Variants in PHACTR1 observed in about 807,000 individuals in gnomAD.
PHACTR1 encodes the protein RPEL repeat containing 1.
A neutral mutation model predicts 69.2 loss-of-function variants in PHACTR1; 16 were observed. The observed-to-expected ratio is 0.23, with a 90% CI of 0.16 to 0.35. The LOEUF (loss-of-function observed/expected upper bound fraction) is 0.35, where lower values mean the gene tolerates loss of function less well. Ranked by LOEUF, PHACTR1 falls within the 10% of genes least tolerant of loss-of-function variation. The probability of loss-of-function intolerance (pLI) is 1.00; values close to 1 mark genes in which losing one functional copy is unlikely to be tolerated. For synonymous variants in PHACTR1, 312 were observed against 284.5 expected, an observed-to-expected ratio of 1.10 and a Z score of -0.97; for missense variants, 510 against 734.7, an observed-to-expected ratio of 0.69 and a Z score of 3.54.
chr6:12,891,740 A>T (rs1030227441), intron 4 of PHACTR1, among the ~76,000 whole-genome samples: 5 of 151,536 alleles, frequency 3.3e-5, no homozygotes, highest in African/African-American at 1.2e-4. Flanking sequence ...TATGAACAGC[A>T]AACCAGAATA....
chr6:13,145,598 A>G (rs1823213330), intron 5 of PHACTR1, among the ~76,000 whole-genome samples: 3 of 152,192 alleles, frequency 2.0e-5, no homozygotes, highest in South Asian at 4.1e-4. Flanking sequence ...GGAAGTAACT[A>G]AAGTTAAATG....
intron 5 of PHACTR1, among the ~76,000 whole-genome samples, chr6:13,118,407 T>C (rs2105446): frequency 0.99 from 149,755 of 151,764 alleles, 73,921 homozygotes; most frequent in Middle Eastern, 1. Context: ...GCTGTCTTAT[T>C]AGATAACATC....
At chr6:13,106,141 A>G (rs532107731) in intron 5 of PHACTR1, among the ~76,000 whole-genome samples, 1 of 152,324 alleles carries the variant, frequency 6.6e-6, no homozygotes, top group African/African-American at 2.4e-5. Flanking sequence ...CTGATAATTT[A>G]AAAGGTCTCA....
chr6:12,764,012 T>A (rs567878180), intron 4 of PHACTR1, among the ~76,000 whole-genome samples: 1 of 152,186 alleles, frequency 6.6e-6, no homozygotes, highest in Non-Finnish European at 1.5e-5. Flanking sequence ...AAGCAGAAGG[T>A]ATTCATACCA....
chr6:13,209,663 C>T (rs1561998757), intron 8 of PHACTR1, among the ~76,000 whole-genome samples: 1 of 152,224 alleles, frequency 6.6e-6, no homozygotes, highest in Non-Finnish European at 1.5e-5. Context: ...TGAAGACCAT[C>T]CAGGCCACCA....
At chr6:13,222,364 G>A (rs917655573) in intron 8 of PHACTR1, among the ~76,000 whole-genome samples, 6 of 152,188 alleles carry the variant, frequency 3.9e-5, no homozygotes, top group South Asian at 2.1e-4. Context: ...TCACTCAAGC[G>A]TCAGCCTGGA....
intron 3 of PHACTR1, among the ~76,000 whole-genome samples, chr6:12,728,397 C>G (rs762054331): frequency 6.6e-6 from 1 of 151,950 alleles, no homozygotes; most frequent in Non-Finnish European, 1.5e-5. Flanking sequence ...TTTCACGTAC[C>G]TTTGGAATTT....
intron 4 of PHACTR1, among the ~76,000 whole-genome samples, chr6:12,830,094 A>AAAGC (rs1210102996): frequency 1.1e-4 from 1 of 8,910 alleles, no homozygotes; most frequent in African/African-American, 2.4e-4. Flanking sequence ...GGAAGGAGGG[A>AAAGC]AAGAAAGAAA....
intron 5 of PHACTR1, among the ~76,000 whole-genome samples, chr6:13,098,852 C>T (rs1814693647): frequency 6.6e-6 from 1 of 152,222 alleles, no homozygotes; most frequent in Admixed American, 6.5e-5. Flanking sequence ...TAGGCTATCT[C>T]TTGCCTGAGC....
At chr6:13,286,329 T>C in intron 14 of PHACTR1, 107 bp downstream of exon 14, 2 of 919,800 alleles carry the variant, frequency 2.2e-6, no homozygotes, top group Non-Finnish European at 3.2e-6. Context: ...GAGGGTGCCA[T>C]GAGAGGGAAG....
chr6:12,789,423 C>T (rs9472558), intron 4 of PHACTR1, among the ~76,000 whole-genome samples: 56,501 of 151,878 alleles, frequency 0.37, 11,318 homozygotes, highest in African/African-American at 0.5. Flanking sequence ...AGGCCAGGTC[C>T]GTGGTTCTCT....
intron 4 of PHACTR1, among the ~76,000 whole-genome samples, chr6:12,812,242 A>G (rs1282054961): frequency 6.6e-6 from 1 of 152,232 alleles, no homozygotes; most frequent in African/African-American, 2.4e-5. Context: ...TATAAATGGA[A>G]TCATACAGTA....
chr6:13,161,222 C>T (rs11968523), intron 6 of PHACTR1, among the ~76,000 whole-genome samples: 7,573 of 152,258 alleles, frequency 0.05, 417 homozygotes, highest in African/African-American at 0.14. Context: ...CAACAATCTT[C>T]CCACCTCAGC....
intron 4 of PHACTR1, among the ~76,000 whole-genome samples, chr6:12,995,318 G>A (rs1797298502): frequency 6.7e-6 from 1 of 149,754 alleles, no homozygotes; most frequent in African/African-American, 2.4e-5. Flanking sequence ...AACCCCATCA[G>A]TCAGAGATCA....
chr6:13,284,191 T>C (rs1780955558), intron 13 of PHACTR1, among the ~76,000 whole-genome samples: 5 of 152,074 alleles, frequency 3.3e-5, no homozygotes. Flanking sequence ...CTGGTCACCA[T>C]GAGGAGCTGG....
intron 10 of PHACTR1, among the ~76,000 whole-genome samples, chr6:13,270,096 G>T (rs757884075): frequency 6.6e-6 from 1 of 152,212 alleles, no homozygotes; most frequent in Non-Finnish European, 1.5e-5. Context: ...CCTATATTAT[G>T]ACCCACTAGC....
chr6:13,178,027 G>A (rs9463511), intron 6 of PHACTR1, among the ~76,000 whole-genome samples: 42,968 of 151,992 alleles, frequency 0.28, 6,531 homozygotes, highest in East Asian at 0.55. Context: ...CACCAGAAGA[G>A]GAGAGTAAGG....
chr6:12,927,312 C>G (rs12526453), intron 4 of PHACTR1, among the ~76,000 whole-genome samples: 40,667 of 152,046 alleles, frequency 0.27, 6,182 homozygotes, highest in Middle Eastern at 0.36. Flanking sequence ...ACTATAAACT[C>G]TTTGGGGCTA....
intron 11 of PHACTR1, among the ~76,000 whole-genome samples, chr6:13,277,638 C>CCG: frequency 6.6e-6 from 1 of 152,142 alleles, no homozygotes; most frequent in Non-Finnish European, 1.5e-5. Context: ...CCTGTGTGTC[C>CCG]CCGTGTCAAC....
Sources: allele counts gnomAD v4.1 joint callset (sites outside exome capture counted in the v4.1 genomes callset), GRCh38; gene constraint gnomAD v4.1.1; transcripts MANE v1.5; gene names NCBI Gene and HGNC (gene_info 2026-07-23, HGNC 2026-07-21).